Variants in ADAM29 observed in about 807,000 individuals in gnomAD.
ADAM29 encodes ADAM metallopeptidase domain 29.
For synonymous variants in ADAM29, 367 were observed against 342.3 expected, an observed-to-expected ratio of 1.07 and a Z score of -0.80; for missense variants, 969 against 1,001.8, an observed-to-expected ratio of 0.97 and a Z score of 0.44.
At position 174,935,791 on chromosome 4, in the gene ADAM29, T is replaced by C. The variant is rs77312515; in HGVS notation, c.-261-1142T>C. 2.8e-3 allele frequency among the ~76,000 whole-genome samples: 419 copies of C among 152,204 alleles called. 4 individuals are homozygous for C. Among genetic ancestry groups the C allele is most frequent in the African/African-American group, 9.9e-3 (410 of 41,570 alleles). On this transcript the variant is annotated intron_variant, in intron 3 of 4. Coordinates refer to ENST00000359240, the MANE Select transcript of ADAM29 (RefSeq NM_014269.4). ...GTGTGTCTCTGTAAATAGAAAGATG[T>C]AGACTTCTGAGTCAGCAATTTGGGG...
At chr4:174,924,333 C>A (rs139341986) in intron 2 of ADAM29, among the ~76,000 whole-genome samples, 21 of 152,204 alleles carry the variant, frequency 1.4e-4, no homozygotes, top group Non-Finnish European at 2.2e-4. Flanking sequence ...TTGGACAATA[C>A]CAATATGTGG....
chr4:174,958,033 T>A (rs1409636369), intron 4 of ADAM29, among the ~76,000 whole-genome samples: 1 of 151,784 alleles, frequency 6.6e-6, no homozygotes, highest in East Asian at 1.9e-4. Flanking sequence ...GAGAAAATAT[T>A]TTGTATGATT....
At chr4:174,954,584 A>G (rs926910006) in intron 4 of ADAM29, among the ~76,000 whole-genome samples, 1 of 152,170 alleles carries the variant, frequency 6.6e-6, no homozygotes, top group African/African-American at 2.4e-5. Flanking sequence ...GGTTATTGAA[A>G]TTGTAAGGAT....
chr4:174,968,550 G>T (rs1474573737), intron 4 of ADAM29, among the ~76,000 whole-genome samples: 1 of 152,066 alleles, frequency 6.6e-6, no homozygotes, highest in Non-Finnish European at 1.5e-5. Context: ...CAGCAATCTT[G>T]AATCATGTGC....
intron 4 of ADAM29, among the ~76,000 whole-genome samples, chr4:174,951,822 T>C (rs1397499994): frequency 1.3e-5 from 2 of 152,136 alleles, no homozygotes; most frequent in African/African-American, 2.4e-5. Context: ...ATCCCAGAAG[T>C]CTGACAGTCT....
rs4459968 is a variant in ADAM29, at chr4:174,942,426, G to C, written c.-181+5413G>C. ...TTTCCATACATCATTTGAAATCTACGTAGAGGCTCCCAAAGTTCAACTCTT... is the reference window on the plus strand; with the variant it reads ...TTTCCATACATCATTTGAAATCTACCTAGAGGCTCCCAAAGTTCAACTCTT... On this transcript the variant is annotated intron_variant, in intron 4 of 4. Coordinates refer to ENST00000359240, the MANE Select transcript of ADAM29 (RefSeq NM_014269.4). 3.3e-5 allele frequency among the ~76,000 whole-genome samples: 5 copies of C among 152,242 alleles called. No individual in the cohort carries two copies. In the East Asian group the frequency reaches 7.8e-4, roughly 24 times the overall value.
intron 4 of ADAM29, among the ~76,000 whole-genome samples, chr4:174,938,035 G>T (rs1339551371): frequency 6.6e-6 from 1 of 152,056 alleles, no homozygotes; most frequent in Non-Finnish European, 1.5e-5. Flanking sequence ...AGATTTTCAT[G>T]ACTGCAGCTG....
chr4:174,942,061 C>T (rs1744570057), intron 4 of ADAM29, among the ~76,000 whole-genome samples: 1 of 152,202 alleles, frequency 6.6e-6, no homozygotes, highest in Non-Finnish European at 1.5e-5. Context: ...CCTTTGACTT[C>T]ATGTCTCACA....
chr4:174,938,730 T>A (rs1302048154), intron 4 of ADAM29, among the ~76,000 whole-genome samples: 3 of 152,130 alleles, frequency 2.0e-5, no homozygotes, highest in African/African-American at 4.8e-5. Flanking sequence ...GTTGGTGTAA[T>A]GTTTTATTAG....
At chr4:174,943,677 TGGGTGG>T (rs1744676801) in intron 4 of ADAM29, among the ~76,000 whole-genome samples, 2 of 152,160 alleles carry the variant, frequency 1.3e-5, no homozygotes, top group Admixed American at 1.3e-4. Flanking sequence ...AGATGAGGTT[TGGGTGG>T]GGACACAAGA....
chr4:174,921,078 CA>C, intron 2 of ADAM29, among the ~76,000 whole-genome samples: 1 of 152,102 alleles, frequency 6.6e-6, no homozygotes, highest in East Asian at 1.9e-4. Context: ...TTTGGTTCTA[CA>C]GTAAGAAAAC....
intron 4 of ADAM29, among the ~76,000 whole-genome samples, chr4:174,968,997 T>C (rs533290081): frequency 4.1e-4 from 57 of 137,924 alleles, no homozygotes; most frequent in South Asian, 9.4e-4. Context: ...AGGGGATTGG[T>C]TCTAGAAAAA....
chr4:174,978,146 C>A lies in ADAM29; in HGVS notation c.*158C>A, dbSNP rs1048567386. On this transcript the variant is annotated 3_prime_UTR_variant, in exon 5 of 5. Coordinates refer to ENST00000359240, the MANE Select transcript of ADAM29 (RefSeq NM_014269.4). ...TCAGTACCAATTCCAAAAACTGTAT[C>A]CAGAAAAGGTACATTAAAAAAATAA... The A allele has an allele frequency of 7.6e-6, 9 of 1,186,162 alleles. No individual in the cohort carries two copies. The African/African-American group carries it at 1.2e-4, about 16-fold the overall frequency. 73.5% of individuals were successfully genotyped at this position (1,186,162 alleles called of 1,614,324 possible).
Position 174,960,622 on chromosome 4 carries a change from G to A in ADAM29, c.-180-14724G>A, listed in dbSNP as rs144077704. 1.2e-3 allele frequency among the ~76,000 whole-genome samples: 177 copies of A among 152,162 alleles called. 1 individual carries two copies. The highest frequency in any genetic ancestry group is 3.8e-3 in the African/African-American group (157 of 41,534). ...TTTTTCTCTAATTGCTCTATCAAAT[G>A]CTTTGTGAGACATGCTAAAATTTCC... is the stretch of plus-strand genomic sequence containing the variant. On this transcript the variant is annotated intron_variant, in intron 4 of 4. Coordinates refer to ENST00000359240, the MANE Select transcript of ADAM29 (RefSeq NM_014269.4).
intron 2 of ADAM29, among the ~76,000 whole-genome samples, chr4:174,927,512 A>C (rs1452959891): frequency 6.6e-6 from 1 of 152,292 alleles, no homozygotes; most frequent in Admixed American, 6.5e-5. Context: ...AATTCTGTAC[A>C]TGTTTTGTTA....
chr4:174,956,309 C>T (rs1389044735), intron 4 of ADAM29, among the ~76,000 whole-genome samples: 1 of 151,832 alleles, frequency 6.6e-6, no homozygotes, highest in African/African-American at 2.4e-5. Context: ...ATTCAATAAT[C>T]AATTTAATTT....
intron 4 of ADAM29, among the ~76,000 whole-genome samples, chr4:174,960,569 A>T (rs1745753806): frequency 6.6e-6 from 1 of 152,114 alleles, no homozygotes; most frequent in African/African-American, 2.4e-5. Flanking sequence ...ATGAGAAGGG[A>T]CCTAAGAATA....
intron 2 of ADAM29, among the ~76,000 whole-genome samples, chr4:174,930,497 T>A (rs1244292146): frequency 6.6e-6 from 1 of 152,124 alleles, no homozygotes; most frequent in Non-Finnish European, 1.5e-5. Flanking sequence ...TAAAGCAAAA[T>A]TATTTTTCCA....
At chr4:174,935,099 T>C (rs1226880285) in intron 3 of ADAM29, among the ~76,000 whole-genome samples, 1 of 152,104 alleles carries the variant, frequency 6.6e-6, no homozygotes, top group Non-Finnish European at 1.5e-5. Flanking sequence ...GAGCTGCCAG[T>C]GTTATAAATT....
Sources: allele counts gnomAD v4.1 joint callset (sites outside exome capture counted in the v4.1 genomes callset), GRCh38; gene constraint gnomAD v4.1.1; transcripts MANE v1.5; gene names NCBI Gene and HGNC (gene_info 2026-07-23, HGNC 2026-07-21).